MOCOS: variants seen among roughly 807,000 people sequenced by gnomAD.
The protein encoded by MOCOS is human molybdenum cofactor sulfurase.
Under a neutral mutation model 83.6 loss-of-function variants are expected in MOCOS, and 86 were observed. The observed-to-expected ratio is 1.03, with a 90% confidence interval of 0.86 to 1.23. MOCOS has a LOEUF of 1.23. MOCOS is among the 50% of genes most tolerant of loss of function. The pLI, the probability that MOCOS is intolerant of heterozygous loss-of-function variation, is 0.00. For missense variants in MOCOS, 1,120 were observed against 1,126.9 expected, an observed-to-expected ratio of 0.99 and a Z score of 0.09; for synonymous variants, 445 against 434.7, an observed-to-expected ratio of 1.02 and a Z score of -0.29.
chr18:36,246,167 C>G (rs989171156), intron 9 of MOCOS, among the ~76,000 whole-genome samples: 1 of 152,156 alleles, frequency 6.6e-6, no homozygotes, highest in Non-Finnish European at 1.5e-5. Flanking sequence ...TGCTGGAGAG[C>G]TAGAGTGATC....
intron 9 of MOCOS, among the ~76,000 whole-genome samples, chr18:36,223,281 AG>A (rs1381222396): frequency 6.6e-6 from 1 of 152,198 alleles, no homozygotes; most frequent in African/African-American, 2.4e-5. Context: ...ATGTAAGATA[AG>A]GGTCCAATTT....
rs750976146 is a variant in MOCOS at position 36,199,925 on chromosome 18, A to G, written c.542A>G (p.Glu181Gly). The change falls in exon 4 of 15, where the codon GAG becomes GGG. Residue 181 changes from glutamate to glycine, a missense_variant. Coordinates refer to ENST00000261326, the MANE Select transcript of MOCOS (RefSeq NM_017947.4). ...AGGCCAGAGGACCTGTGGTCTGCAG[A>G]GGAACGTAGTGCTTCAGCCAGCAAC... is the stretch of plus-strand genomic sequence containing the variant. ...PVRPEDLWSA[E>G]ERSASASNPD... 12 of 1,614,068 alleles carry G rather than the reference A, an allele frequency of 7.4e-6. No individual in the cohort carries two copies. The highest frequency in any genetic ancestry group is 2.2e-5 in the East Asian group (1 of 44,886).
intron 9 of MOCOS, among the ~76,000 whole-genome samples, chr18:36,226,069 C>G (rs192818876): frequency 6.6e-6 from 1 of 151,966 alleles, no homozygotes; most frequent in East Asian, 1.9e-4. Context: ...TCCATTTGGT[C>G]TACAGTATGA....
intron 9 of MOCOS, among the ~76,000 whole-genome samples, chr18:36,242,425 C>T (rs2051691076): frequency 6.6e-6 from 1 of 152,226 alleles, no homozygotes; most frequent in South Asian, 2.1e-4. Context: ...AAGTTCCAAA[C>T]TTTCTGACAT....
intron 9 of MOCOS, among the ~76,000 whole-genome samples, chr18:36,237,678 T>C (rs2091564689): frequency 6.6e-6 from 1 of 152,150 alleles, no homozygotes; most frequent in Non-Finnish European, 1.5e-5. Context: ...CCTCTTTTTC[T>C]ATTGATTGGA....
chr18:36,229,176 TGTGTTGTTGTTTA>T (rs1363310045), intron 9 of MOCOS, among the ~76,000 whole-genome samples: 1 of 152,320 alleles, frequency 6.6e-6, no homozygotes, highest in East Asian at 1.9e-4. Flanking sequence ...CTTATGCTAT[TGTGTTGTTGTTTA>T]GTGTCCTATA....
chr18:36,226,714 C>CT (rs71168207), intron 9 of MOCOS, among the ~76,000 whole-genome samples: 114,464 of 143,170 alleles, frequency 0.8, 46,529 homozygotes, highest in East Asian at 0.97. Context: ...TAGGTTTTTT[C>CT]TTTTTTTTTT....
At chr18:36,266,319 A>G (rs951701644) in intron 13 of MOCOS, among the ~76,000 whole-genome samples, 34 of 152,202 alleles carry the variant, frequency 2.2e-4, no homozygotes, top group African/African-American at 6.7e-4. Context: ...TATTTTTAGT[A>G]GAGACAGGGT....
chr18:36,205,025 T>TG lies in MOCOS; in HGVS notation c.1019-51dup, dbSNP rs1465487313. The TG allele has an allele frequency of 8.0e-6, 9 of 1,127,430 alleles. No individual in the cohort carries two copies. The African/African-American group carries it at 1.5e-4, about 18-fold the overall frequency. The allele number at this position is 1,127,430 out of a possible 1,614,324, so 69.8% of individuals were successfully genotyped here. On this transcript the variant is annotated intron_variant, in intron 5 of 14. Transcript: ENST00000261326. Reference sequence around the variant, plus strand: ...AAAAAAAAAAAAAAAAAGAGTGAATTGAGAATTTACATAAAGCTCATGATT... The same window carrying TG: ...AAAAAAAAAAAAAAAAAGAGTGAATTGGAGAATTTACATAAAGCTCATGATT...
intron 1 of MOCOS, among the ~76,000 whole-genome samples, chr18:36,193,667 C>A (rs926122079): frequency 6.6e-6 from 1 of 152,106 alleles, no homozygotes; most frequent in Non-Finnish European, 1.5e-5. Context: ...ATCACTAGGA[C>A]CTTGTTGAAT....
At chr18:36,213,740 C>A (rs1472224423) in intron 7 of MOCOS, among the ~76,000 whole-genome samples, 1 of 151,678 alleles carries the variant, frequency 6.6e-6, no homozygotes, top group African/African-American at 2.4e-5. Flanking sequence ...ACAAGCCTGG[C>A]CAACATGGTG....
At chr18:36,234,147 G>A (rs1257342987) in intron 9 of MOCOS, among the ~76,000 whole-genome samples, 1 of 152,126 alleles carries the variant, frequency 6.6e-6, no homozygotes, top group Non-Finnish European at 1.5e-5. Flanking sequence ...TTACCTTCTA[G>A]GATTTTTATG....
intron 9 of MOCOS, among the ~76,000 whole-genome samples, chr18:36,227,681 C>G (rs2091523076): frequency 6.6e-6 from 1 of 152,134 alleles, no homozygotes; most frequent in African/African-American, 2.4e-5. Flanking sequence ...TAGGTGTGAG[C>G]CACTGTGCCT....
chr18:36,248,187 C>G (rs147481858), intron 9 of MOCOS, among the ~76,000 whole-genome samples: 11 of 151,730 alleles, frequency 7.2e-5, no homozygotes, highest in African/African-American at 1.9e-4. Flanking sequence ...TTTGCATTCC[C>G]CTGATGATTA....
chr18:36,204,466 G>A (rs1320915084), intron 5 of MOCOS, among the ~76,000 whole-genome samples: 3 of 151,986 alleles, frequency 2.0e-5, no homozygotes, highest in Non-Finnish European at 4.4e-5. Flanking sequence ...ATGTTTAGAG[G>A]AAAAAACATA....
intron 8 of MOCOS, among the ~76,000 whole-genome samples, chr18:36,216,599 A>G (rs1425935400): frequency 2.0e-5 from 3 of 152,240 alleles, no homozygotes; most frequent in African/African-American, 7.2e-5. Flanking sequence ...CAACTAATAA[A>G]TCAATGATAG....
chr18:36,205,087 G>A lies in MOCOS; in HGVS notation c.1029G>A (p.Glu343=). The change falls in exon 6 of 15, where the codon GAG becomes GAA. Residue 343 remains glutamate (E), a synonymous_variant. Coordinates refer to ENST00000261326, the MANE Select transcript of MOCOS (RefSeq NM_017947.4). ...CATGATTGATTTGAGGTGGAATGGA[G>A]AATATAAAGCAGCACACCTTCACCT... ...DTLERLTGGM[E]NIKQHTFTLA... 1 of 1,605,516 alleles carries A rather than the reference G, an allele frequency of 6.2e-7. No homozygotes were observed. The highest frequency in any genetic ancestry group is 8.5e-7 in the Non-Finnish European group (1 of 1,174,788).
chr18:36,219,772 A>G (rs923504536), intron 8 of MOCOS, among the ~76,000 whole-genome samples: 1 of 151,974 alleles, frequency 6.6e-6, no homozygotes, highest in African/African-American at 2.4e-5. Flanking sequence ...TTCACTGTAG[A>G]CTCTTGTACT....
intron 3 of MOCOS, 107 bp downstream of exon 3, chr18:36,198,863 C>T (rs1568049160): frequency 2.5e-6 from 3 of 1,204,474 alleles, no homozygotes; most frequent in Non-Finnish European, 3.7e-6. Flanking sequence ...TCAGGAGGAT[C>T]ACAGTTGGCT....
Sources: allele counts gnomAD v4.1 joint callset (sites outside exome capture counted in the v4.1 genomes callset), GRCh38; gene constraint gnomAD v4.1.1; transcripts MANE v1.5; gene names NCBI Gene and HGNC (gene_info 2026-07-23, HGNC 2026-07-21).